PRDM16: variants seen among roughly 807,000 people sequenced by gnomAD.
The protein encoded by PRDM16 is histone-lysine N-methyltransferase PRDM16.
In PRDM16, 23 loss-of-function variants were observed where a neutral mutation model predicts 110.6. The observed-to-expected ratio is 0.21, with a 90% confidence interval of 0.15 to 0.29. The LOEUF is 0.29. Ranked by LOEUF, PRDM16 falls within the 10% of genes least tolerant of loss-of-function variation. The pLI is 1.00. For synonymous variants in PRDM16, 799 were observed against 781.8 expected (o/e 1.02, Z -0.37); for missense variants, 1,615 against 1,794.3 (o/e 0.90, Z 1.81).
intron 1 of PRDM16, among the ~76,000 whole-genome samples, chr1:3,121,413 A>G (rs945566037): frequency 6.6e-6 from 1 of 152,250 alleles, no homozygotes; most frequent in African/African-American, 2.4e-5. Context: ...AGCTGTTTTC[A>G]GGACCGGGCT....
intron 3 of PRDM16, among the ~76,000 whole-genome samples, chr1:3,300,813 G>T (rs1224434680): frequency 6.6e-6 from 1 of 152,226 alleles, no homozygotes; most frequent in East Asian, 1.9e-4. Flanking sequence ...GAGCAACCGT[G>T]TATGGAAATA....
intron 1 of PRDM16, among the ~76,000 whole-genome samples, chr1:3,076,554 G>A (rs542978538): frequency 9.9e-5 from 15 of 152,164 alleles, no homozygotes; most frequent in Non-Finnish European, 1.8e-4. Flanking sequence ...CAGCGTCCCC[G>A]GGCAGAAGCA....
At chr1:3,090,139 G>A (rs745742656) in intron 1 of PRDM16, among the ~76,000 whole-genome samples, 57 of 152,214 alleles carry the variant, frequency 3.7e-4, no homozygotes, top group Admixed American at 8.5e-4. Context: ...GTGACATGGG[G>A]ACTGGAGAAG....
chr1:3,218,383 C>T (rs1415953410), intron 2 of PRDM16, among the ~76,000 whole-genome samples: 1 of 152,252 alleles, frequency 6.6e-6, no homozygotes, highest in Admixed American at 6.5e-5. Flanking sequence ...TGCTGGCCAG[C>T]AGCCCCAGCT....
In PRDM16 at chr1:3,243,511, G is replaced by A. The variant is rs1639721634; in HGVS notation, c.388-576G>A. Among the ~76,000 whole-genome samples, 1 of 152,162 alleles carries A rather than the reference G, an allele frequency of 6.6e-6. No homozygotes were observed. On this transcript the variant is annotated intron_variant, in intron 2 of 16. Coordinates refer to ENST00000270722, the MANE Select transcript of PRDM16 (RefSeq NM_022114.4). This position sits in a 1 kb window ranked among gnomAD's most constrained non-coding sequence, Gnocchi z 5.5. The stretch of plus-strand genomic sequence containing the variant: ...CCGCCCGCCGCTGTCTCCTGGGACC[G>A]CTGGGCAGAGTCCAGCTCCCCCCGA...
intron 1 of PRDM16, among the ~76,000 whole-genome samples, chr1:3,128,478 C>T (rs780209879): frequency 7.2e-5 from 11 of 152,196 alleles, no homozygotes; most frequent in Admixed American, 1.3e-4. Context: ...ACCCTCCCTC[C>T]GCATGGCTCC....
intron 3 of PRDM16, among the ~76,000 whole-genome samples, chr1:3,250,571 G>A (rs1466564875): frequency 6.6e-6 from 1 of 152,098 alleles, no homozygotes; most frequent in Non-Finnish European, 1.5e-5. Flanking sequence ...GGCTGGGAGA[G>A]GTGCAGCTAA....
chr1:3,137,780 G>A (rs1052474857), intron 1 of PRDM16, among the ~76,000 whole-genome samples: 7 of 152,238 alleles, frequency 4.6e-5, no homozygotes, highest in East Asian at 1.9e-4. Flanking sequence ...GCACAGGAGC[G>A]CACTGCAAGC....
chr1:3,192,946 A>G (rs910233914), intron 2 of PRDM16, among the ~76,000 whole-genome samples: 3 of 152,178 alleles, frequency 2.0e-5, no homozygotes, highest in African/African-American at 4.8e-5. Context: ...ACCACCTGCA[A>G]TTGAGCGAGA....
intron 2 of PRDM16, among the ~76,000 whole-genome samples, chr1:3,214,214 G>A (rs1034040949): frequency 2.6e-5 from 4 of 152,186 alleles, no homozygotes; most frequent in African/African-American, 7.2e-5. Context: ...TCTCCTATTG[G>A]ACACAAACCA....
rs138654864 is a variant in PRDM16, at chr1:3,105,583, C to T, written c.37+36287C>T. Among the ~76,000 whole-genome samples, 136 of 152,228 alleles carry T rather than the reference C, an allele frequency of 8.9e-4. 1 individual carries two copies. Among genetic ancestry groups the T allele is most frequent in the Non-Finnish European group, 1.4e-3 (94 of 67,916 alleles). ...GGCATCCCCTCAGATGTGAGCCTAGCGCTGTCCCCAATCCCTTCCTCATGA... is the reference window on the plus strand; with the variant it reads ...GGCATCCCCTCAGATGTGAGCCTAGTGCTGTCCCCAATCCCTTCCTCATGA... On this transcript the variant is annotated intron_variant, in intron 1 of 16. Transcript: ENST00000270722.
At chr1:3,215,093 T>C (rs1638988655) in intron 2 of PRDM16, among the ~76,000 whole-genome samples, 1 of 152,170 alleles carries the variant, frequency 6.6e-6, no homozygotes, top group Admixed American at 6.6e-5. Flanking sequence ...CACCATCCCA[T>C]CTGCTTCCCC....
chr1:3,342,823 G>A lies in PRDM16; in HGVS notation c.439-42329G>A, dbSNP rs113262315. ...CTATGCCACTGCACTTGTCAGCTGC[G>A]TGTTCTTTTATTCTGTATGGCAGTA... On this transcript the variant is annotated intron_variant, in intron 3 of 16. Coordinates refer to ENST00000270722, the MANE Select transcript of PRDM16 (RefSeq NM_022114.4). Among the ~76,000 whole-genome samples the A allele has an allele frequency of 6.1e-3, 930 of 152,280 alleles. 10 individuals are homozygous for A. The highest frequency in any genetic ancestry group is 0.021 in the African/African-American group (876 of 41,548).
chr1:3,079,162 C>T (rs896211840), intron 1 of PRDM16, among the ~76,000 whole-genome samples: 2 of 152,234 alleles, frequency 1.3e-5, no homozygotes, highest in Non-Finnish European at 2.9e-5. Flanking sequence ...GAATCTCCGC[C>T]GCTGCCCGGG....
At chr1:3,089,744 C>T (rs924394644) in intron 1 of PRDM16, among the ~76,000 whole-genome samples, 1 of 152,224 alleles carries the variant, frequency 6.6e-6, no homozygotes, top group Non-Finnish European at 1.5e-5. Context: ...CGAGCCTGAT[C>T]CAGGACTTGC....
intron 3 of PRDM16, among the ~76,000 whole-genome samples, chr1:3,335,140 T>A (rs1642118329): frequency 6.6e-6 from 1 of 152,214 alleles, no homozygotes; most frequent in Admixed American, 6.5e-5. Flanking sequence ...TGTCCCTGCC[T>A]GGAAGGAGCC....
At chr1:3,098,143 C>T (rs937849603) in intron 1 of PRDM16, among the ~76,000 whole-genome samples, 5 of 152,126 alleles carry the variant, frequency 3.3e-5, no homozygotes, top group African/African-American at 7.2e-5. Flanking sequence ...TTCACTGAGC[C>T]GTGTGGAATC....
chr1:3,386,152 C>CGGGGTGCCT (rs1391064294), intron 4 of PRDM16, among the ~76,000 whole-genome samples: 3 of 149,794 alleles, frequency 2.0e-5, no homozygotes, highest in Non-Finnish European at 4.4e-5. Context: ...TCGGGGTGCC[C>CGGGGTGCCT]GGGGTGCCCG....
At position 3,404,771 on chromosome 1, in the gene PRDM16, A is replaced by C; in HGVS notation, c.917A>C (p.Glu306Ala). The change falls in exon 7 of 17, where the codon GAG becomes GCG. Residue 306 changes from glutamate (E) to alanine (A), a missense_variant. Physicochemically the swap from Glu to Ala is moderately radical, Grantham distance 107. Transcript: ENST00000270722. Reference sequence around the variant, plus strand: ...CAGCACATGGTCATCCACACGGAGGAGCGCGAGTACAAATGCGACCAGTGT... The same window carrying C: ...CAGCACATGGTCATCCACACGGAGGCGCGCGAGTACAAATGCGACCAGTGT... ...LEQHMVIHTE[E>A]REYKCDQCPK... 6.2e-7 allele frequency: 1 copy of C among 1,613,512 alleles called. No individual in the cohort carries two copies. Among genetic ancestry groups the C allele is most frequent in the Non-Finnish European group, 8.5e-7 (1 of 1,179,952 alleles).
Sources: allele counts gnomAD v4.1 joint callset (sites outside exome capture counted in the v4.1 genomes callset), GRCh38; gene constraint gnomAD v4.1.1; non-coding constraint Gnocchi (gnomAD v3.1); transcripts MANE v1.5; gene names NCBI Gene and HGNC (gene_info 2026-07-23, HGNC 2026-07-21).